The following CTPS2 variants were observed in gnomAD, a reference collection of about 807,000 sequenced individuals.
The protein encoded by CTPS2 is CTP synthase II.
A neutral mutation model predicts 46.8 loss-of-function variants in CTPS2; 19 were observed. The ratio of observed to expected loss-of-function variants is 0.41; its 90% CI spans 0.28 to 0.60. The LOEUF is 0.60. CTPS2 is among the 20% of genes least tolerant of loss of function. The pLI is 0.35. For synonymous variants in CTPS2, 151 were observed against 165.2 expected (o/e 0.91, Z 0.66); for missense variants, 286 against 447.6 (o/e 0.64, Z 3.26).
chrX:16,683,642 A>G (rs5980319), intron 8 of CTPS2, among the ~76,000 whole-genome samples: 55,865 of 110,449 alleles, frequency 0.51, 10,922 homozygotes, highest in African/African-American at 0.71. Flanking sequence ...ACACAAGCAG[A>G]TACAGATAAA....
At chrX:16,706,861 CA>C (rs1224536206) in intron 1 of CTPS2, among the ~76,000 whole-genome samples, 4 of 98,223 alleles carry the variant, frequency 4.1e-5, no homozygotes, top group South Asian at 4.6e-4. Context: ...AACTCTGTCT[CA>C]AAAAAAAAAC....
chrX:16,689,634 T>C (rs775330687), intron 7 of CTPS2, 33 bp from the exon 8 acceptor site: 3 of 1,168,524 alleles, frequency 2.6e-6, no homozygotes, highest in Non-Finnish European at 3.5e-6. Flanking sequence ...CATACTTAGA[T>C]GGATCTATTC....
At chrX:16,611,970 C>G (rs1331695579) in intron 16 of CTPS2, among the ~76,000 whole-genome samples, 1 of 111,217 alleles carries the variant, frequency 9.0e-6, no homozygotes, top group Non-Finnish European at 1.9e-5. Context: ...CTAGGGACAT[C>G]TTTGAAAAAA....
intron 10 of CTPS2, among the ~76,000 whole-genome samples, chrX:16,675,888 A>G (rs1263282659): frequency 8.9e-6 from 1 of 111,978 alleles, no homozygotes; most frequent in Non-Finnish European, 1.9e-5. Context: ...ACTAATAAAA[A>G]ATTAATATTT....
chrX:16,593,832 G>A (rs1417830005), intron 17 of CTPS2, among the ~76,000 whole-genome samples: 1 of 110,111 alleles, frequency 9.1e-6, no homozygotes, highest in African/African-American at 3.3e-5. Context: ...TTAGACTTTA[G>A]TTCAGAGAAA....
At chrX:16,663,207 G>A (rs950660642) in intron 13 of CTPS2, among the ~76,000 whole-genome samples, 11 of 111,790 alleles carry the variant, frequency 9.8e-5, no homozygotes, top group Non-Finnish European at 2.1e-4. Context: ...GAATGCAGCG[G>A]CGTGATCACA....
intron 14 of CTPS2, among the ~76,000 whole-genome samples, chrX:16,637,465 G>A (rs780940379): frequency 2.2e-4 from 25 of 112,243 alleles, no homozygotes; most frequent in Admixed American, 9.4e-4. Context: ...GCAATCTGCC[G>A]GCCACAGCCT....
At chrX:16,603,459 A>AT (rs1929792441) in intron 17 of CTPS2, among the ~76,000 whole-genome samples, 1 of 109,898 alleles carries the variant, frequency 9.1e-6, no homozygotes, top group African/African-American at 3.3e-5. Flanking sequence ...AAATAAATAA[A>AT]ACCAAAATGG....
intron 13 of CTPS2, among the ~76,000 whole-genome samples, chrX:16,653,587 G>C (rs936944627): frequency 1.8e-5 from 2 of 111,709 alleles, no homozygotes; most frequent in African/African-American, 6.5e-5. Flanking sequence ...TCCAGCCTGG[G>C]TGACAGAGCA....
chrX:16,639,766 A>AG (rs1445544431), intron 13 of CTPS2, among the ~76,000 whole-genome samples: 2 of 88,861 alleles, frequency 2.3e-5, no homozygotes, highest in African/African-American at 7.9e-5. Flanking sequence ...AAAGGAAAAG[A>AG]AAAGGAAAAG....
At chrX:16,685,109 C>T (rs745548968) in intron 8 of CTPS2, among the ~76,000 whole-genome samples, 5 of 110,776 alleles carry the variant, frequency 4.5e-5, no homozygotes, top group Admixed American at 9.6e-5. Context: ...AAAGAGGATG[C>T]GGGTAACAGA....
intron 14 of CTPS2, among the ~76,000 whole-genome samples, chrX:16,638,233 T>C (rs1244138190): frequency 4.0e-5 from 4 of 101,000 alleles, no homozygotes; most frequent in Admixed American, 1.1e-4. Flanking sequence ...CCAGCCTGGG[T>C]GACAGAGCGA....
At chrX:16,643,498 C>T (rs935362374) in intron 13 of CTPS2, among the ~76,000 whole-genome samples, 4 of 111,491 alleles carry the variant, frequency 3.6e-5, no homozygotes, top group African/African-American at 6.5e-5. Context: ...TGAGCCACCA[C>T]GCCCGGCCTC....
chrX:16,629,633 A>G (rs1217775378), intron 14 of CTPS2, among the ~76,000 whole-genome samples: 1 of 111,299 alleles, frequency 9.0e-6, no homozygotes, highest in African/African-American at 3.3e-5. Context: ...TCCTAATCTA[A>G]TCACACCAGG....
At chrX:16,631,184 C>G (rs957159882) in intron 14 of CTPS2, among the ~76,000 whole-genome samples, 2 of 111,123 alleles carry the variant, frequency 1.8e-5, no homozygotes, top group Non-Finnish European at 3.8e-5. Context: ...CCCGTCTCTA[C>G]TAAAAATACA....
chrX:16,657,778 CAACT>C (rs1463456245), intron 13 of CTPS2, among the ~76,000 whole-genome samples: 17 of 112,047 alleles, frequency 1.5e-4, no homozygotes, highest in Non-Finnish European at 2.4e-4. Context: ...CAGAAAAATA[CAACT>C]ATCTAAATTT....
intron 17 of CTPS2, among the ~76,000 whole-genome samples, chrX:16,605,390 G>C (rs1328747375): frequency 9.0e-6 from 1 of 111,414 alleles, no homozygotes; most frequent in Non-Finnish European, 1.9e-5. Context: ...TCCCATTACT[G>C]ATCTTGCTGT....
At chrX:16,672,789 T>C (rs1416434729) in intron 10 of CTPS2, among the ~76,000 whole-genome samples, 1 of 109,926 alleles carries the variant, frequency 9.1e-6, no homozygotes, top group African/African-American at 3.3e-5. Flanking sequence ...GGCCTCTCTC[T>C]CTCTCTGTGC....
intron 16 of CTPS2, among the ~76,000 whole-genome samples, chrX:16,616,914 C>T (rs185720741): frequency 1.8e-5 from 2 of 111,569 alleles, no homozygotes; most frequent in African/African-American, 3.3e-5. Context: ...AACCTGGTCT[C>T]GAACTCCTGA....
Sources: gnomAD v4.1 joint callset for allele counts (sites outside exome capture counted in the v4.1 genomes callset) on GRCh38, gnomAD v4.1.1 for gene constraint, MANE v1.5 for transcripts, NCBI Gene and HGNC (gene_info 2026-07-23, HGNC 2026-07-21) for gene names.